Variants in TTC39A observed in about 807,000 individuals in gnomAD.
TTC39A encodes tetratricopeptide repeat protein 39A.
A neutral mutation model predicts 82.3 loss-of-function variants in TTC39A; 46 were observed. That is an observed-to-expected ratio of 0.56 (90% CI 0.44 to 0.71). TTC39A has a LOEUF of 0.71. Among genes scored for constraint, TTC39A ranks in the 30% least tolerant of loss-of-function variants. The pLI is 0.00. For synonymous variants in TTC39A, 254 were observed against 275.2 expected (o/e 0.92, Z 0.76); for missense variants, 543 against 712.9 (o/e 0.76, Z 2.71).
At chr1:51,324,574 AC>A (rs1645642907) in intron 1 of TTC39A, among the ~76,000 whole-genome samples, 1 of 151,762 alleles carries the variant, frequency 6.6e-6, no homozygotes, top group South Asian at 2.1e-4. Context: ...CGGGCTGGAG[AC>A]CAGTAGTGCG....
At chr1:51,299,873 G>C (rs1557706520) in intron 12 of TTC39A, 1 of 152,402 alleles carries the variant, frequency 6.6e-6, no homozygotes, top group East Asian at 1.9e-4. Flanking sequence ...AAGATTGCTT[G>C]GGCCCAGGAG....
chr1:51,329,080 C>T (rs1307814110), intron 1 of TTC39A, among the ~76,000 whole-genome samples: 2 of 152,200 alleles, frequency 1.3e-5, no homozygotes, highest in Admixed American at 6.5e-5. Context: ...GCTTGCTGTC[C>T]TGAGGCCTGC....
intron 6 of TTC39A, among the ~76,000 whole-genome samples, chr1:51,306,528 CA>C (rs1364347347): frequency 6.6e-6 from 1 of 152,122 alleles, no homozygotes; most frequent in Admixed American, 6.5e-5. Context: ...CAGACACTGC[CA>C]AAAGTCTCAC....
chr1:51,301,760 C>G (rs41287292), intron 11 of TTC39A, 27 bp from the exon 12 acceptor site: 2 of 1,591,338 alleles, frequency 1.3e-6, no homozygotes, highest in African/African-American at 1.3e-5. Context: ...GTCAGCCTGA[C>G]GGGTGCCCAC....
intron 12 of TTC39A, chr1:51,298,677 C>T (rs1644538041): frequency 6.6e-6 from 1 of 152,478 alleles, no homozygotes; most frequent in Non-Finnish European, 1.5e-5. Context: ...AACTCTTCAC[C>T]CTGTGGCACA....
At chr1:51,330,802 A>T (rs780959394), upstream of TTC39A, 11 of 403,410 alleles carry the variant, frequency 2.7e-5, no homozygotes, top group Non-Finnish European at 4.4e-5. This position sits in a 1 kb window ranked among gnomAD's most constrained non-coding sequence, Gnocchi z 4.5. Flanking sequence ...ACACGTCCCC[A>T]CCTATTTGGC....
chr1:51,314,138 C>T (rs1049599749), intron 2 of TTC39A, among the ~76,000 whole-genome samples: 1 of 152,210 alleles, frequency 6.6e-6, no homozygotes, highest in African/African-American at 2.4e-5. Flanking sequence ...CTTCACCGAC[C>T]CAGGCTCCTC....
chr1:51,293,026 A>G (rs1644280051), intron 14 of TTC39A, among the ~76,000 whole-genome samples: 1 of 151,686 alleles, frequency 6.6e-6, no homozygotes, highest in Non-Finnish European at 1.5e-5. Flanking sequence ...CCCTTCCTAC[A>G]ATATCCTCCT....
chr1:51,308,454 G>T (rs1318809791), intron 6 of TTC39A, among the ~76,000 whole-genome samples: 1 of 152,124 alleles, frequency 6.6e-6, no homozygotes, highest in Non-Finnish European at 1.5e-5. Flanking sequence ...TGGTCAGGCT[G>T]GTCTCGAACT....
Position 51,303,166 on chromosome 1 carries a change from C to T in TTC39A, c.681G>A (p.Glu227=), listed in dbSNP as rs1316601991. ...AGCGGAAGCTGTGCCCTGACGCTCC[C>T]TCCTCCAGCTGCAGCAGCCCATAGT... ...NKDYGLLQLE[E]GASGHSFRSV... The change falls in exon 9 of 18, where the codon GAG becomes GAA. Residue 227 remains glutamate (E), a synonymous_variant. Transcript: ENST00000680483. 1 of 1,574,900 alleles carries T rather than the reference C, an allele frequency of 6.3e-7. No homozygotes were observed. Among genetic ancestry groups the T allele is most frequent in the East Asian group, 2.4e-5 (1 of 42,538 alleles).
chr1:51,308,075 T>A (rs1644939239), intron 6 of TTC39A, among the ~76,000 whole-genome samples: 2 of 152,316 alleles, frequency 1.3e-5, no homozygotes, highest in South Asian at 2.1e-4. Flanking sequence ...TGTGGACTAC[T>A]GAGCAGGTGT....
chr1:51,334,175 A>G (rs1645945550), upstream of TTC39A, among the ~76,000 whole-genome samples: 1 of 140,120 alleles, frequency 7.1e-6, no homozygotes, highest in Non-Finnish European at 1.5e-5. Context: ...CCTGGGCAAC[A>G]TGGTGAGACC....
intron 1 of TTC39A, among the ~76,000 whole-genome samples, chr1:51,338,338 A>G (rs1374327315): frequency 6.6e-6 from 1 of 152,156 alleles, no homozygotes; most frequent in Non-Finnish European, 1.5e-5. Flanking sequence ...TGGAGAAAGC[A>G]AGGCTTCCCT....
chr1:51,311,424 T>A, intron 4 of TTC39A, 103 bp from the exon 5 acceptor site: 1 of 1,020,306 alleles, frequency 9.8e-7, no homozygotes. Context: ...AGGGAACCTA[T>A]GTCAGCACCT....
intron 1 of TTC39A, among the ~76,000 whole-genome samples, chr1:51,328,800 A>T (rs935775349): frequency 7.2e-5 from 11 of 152,338 alleles, no homozygotes; most frequent in Admixed American, 6.5e-4. Context: ...CATAATTTTT[A>T]AAAAGGTAGA....
chr1:51,324,564 C>G (rs1316796252), intron 1 of TTC39A, among the ~76,000 whole-genome samples: 1 of 151,938 alleles, frequency 6.6e-6, no homozygotes, highest in Non-Finnish European at 1.5e-5. Context: ...CTCTGTTGCC[C>G]GGGCTGGAGA....
chr1:51,330,064 CT>C lies in TTC39A; in HGVS notation c.41+372del, dbSNP rs1040171119. The C allele has an allele frequency of 8.3e-5, 75 of 903,834 alleles. 1 individual carries two copies. The African/African-American group carries it at 1.3e-3, about 16-fold the overall frequency. The allele number at this position is 903,834 out of a possible 1,614,324, so 56.0% of individuals were successfully genotyped here. A position where few individuals can be genotyped will look rare whatever the true frequency, so the allele number is the denominator to read the frequency against. On this transcript the variant is annotated intron_variant, in intron 1 of 17. Transcript: ENST00000680483. The surrounding 1 kb of genome is among the most constrained non-coding windows in gnomAD (Gnocchi z 4.5). ...CTCCTGGGTGACCGATGACAAGTCA[CT>C]TAAGTGCTGTGTCTCAGTTTCCTCA... is the stretch of plus-strand genomic sequence containing the variant.
upstream of TTC39A, among the ~76,000 whole-genome samples, chr1:51,334,224 C>G (rs1427645693): frequency 1.3e-5 from 2 of 148,492 alleles, no homozygotes; most frequent in African/African-American, 5.0e-5. Flanking sequence ...AAAGGCCAGG[C>G]CAGTTGTGGT....
chr1:51,289,775 TG>T (rs1326130668), intron 16 of TTC39A, among the ~76,000 whole-genome samples: 10 of 152,146 alleles, frequency 6.6e-5, no homozygotes, highest in African/African-American at 2.4e-4. Flanking sequence ...CAAAACAACG[TG>T]GATGGACTCC....
Sources: allele counts gnomAD v4.1 joint callset (sites outside exome capture counted in the v4.1 genomes callset), GRCh38; gene constraint gnomAD v4.1.1; non-coding constraint Gnocchi (gnomAD v3.1); transcripts MANE v1.5; gene names NCBI Gene and HGNC (gene_info 2026-07-23, HGNC 2026-07-21).